The following SEC61G variants were observed in gnomAD, a reference collection of about 807,000 sequenced individuals.
SEC61G encodes SEC61 translocon subunit gamma.
SEC61G carries 4 observed loss-of-function variants against 7.5 expected under a neutral mutation model. The ratio of observed to expected loss-of-function variants is 0.54; its 90% confidence interval spans 0.26 to 1.22. The LOEUF (loss-of-function observed/expected upper bound fraction) is 1.22. Ranked by LOEUF, SEC61G falls within the 50% of genes most tolerant of loss-of-function variation. The probability of loss-of-function intolerance (pLI) is 0.12; values close to 1 mark genes in which losing one functional copy is unlikely to be tolerated. For missense variants in SEC61G, 53 were observed against 84.6 expected, an observed-to-expected ratio of 0.63 and a Z score of 1.46; for synonymous variants, 24 against 24.4, an observed-to-expected ratio of 0.98 and a Z score of 0.05.
At position 54,757,927 on chromosome 7, in the gene SEC61G, A is replaced by C. The variant is rs75500333; in HGVS notation, c.-6-333T>G. ...TGGTAACACATCCATTCCTTTTCTC[A>C]CTCTGCAGTCCCATCCATTTCTCAT... On this transcript the variant is annotated intron_variant, in intron 1 of 3. Coordinates refer to ENST00000352861, the MANE Select transcript of SEC61G (RefSeq NM_014302.4). Among the ~76,000 whole-genome samples, 566 of 152,266 alleles carry C rather than the reference A, an allele frequency of 3.7e-3. 3 individuals carry two copies. Among genetic ancestry groups the C allele is most frequent in the African/African-American group, 0.012 (516 of 41,546 alleles).
rs1232518845 is a variant in SEC61G at position 54,757,595 on chromosome 7, C to T, written c.-6-1G>A. 4 of 1,612,706 alleles carry T rather than the reference C, an allele frequency of 2.5e-6. No homozygotes were observed. The highest frequency in any genetic ancestry group is 1.7e-5 in the Admixed American group (1 of 59,998). ...ACTGCATTACCTGATCCATGACTGC[C>T]TGTTTAAAACAAAAAAGATACTCAC... On this transcript the variant is annotated splice_acceptor_variant, in intron 1 of 3. Coordinates refer to ENST00000352861, the MANE Select transcript of SEC61G (RefSeq NM_014302.4). LOFTEE classifies it low-confidence loss of function (5UTR_SPLICE).
rs1791461686 is a variant in SEC61G, at chr7:54,754,035, A to G, written c.198-1615T>C. Among the ~76,000 whole-genome samples the G allele has an allele frequency of 5.9e-5, 9 of 152,332 alleles. No homozygotes were observed. In the South Asian group the frequency reaches 1.7e-3, roughly 28 times the overall value. ...ACCAGACTCTATAGGAGAGACATACAATATAAATAACAAGGCAGGCCTGCC... is the reference window on the plus strand; with the variant it reads ...ACCAGACTCTATAGGAGAGACATACGATATAAATAACAAGGCAGGCCTGCC... On this transcript the variant is annotated intron_variant, in intron 3 of 3. Transcript: ENST00000352861.
At chr7:54,753,991 G>A (rs946081396) in intron 3 of SEC61G, among the ~76,000 whole-genome samples, 2 of 152,134 alleles carry the variant, frequency 1.3e-5, no homozygotes, top group Non-Finnish European at 2.9e-5. Flanking sequence ...TGCTTTTAAC[G>A]GATACAAGGG....
At chr7:54,758,705 C>A (rs1433569845) in intron 1 of SEC61G, among the ~76,000 whole-genome samples, 1 of 152,162 alleles carries the variant, frequency 6.6e-6, no homozygotes, top group Non-Finnish European at 1.5e-5. Flanking sequence ...GGGTAGAGAT[C>A]CAAAAACCAA....
chr7:54,755,139 G>A (rs1389580970), intron 3 of SEC61G: 6 of 152,170 alleles, frequency 3.9e-5, no homozygotes, highest in African/African-American at 1.2e-4. Context: ...AGTGATCCCA[G>A]TGTTTCTCAG....
chr7:54,757,401 A>C, intron 2 of SEC61G, 94 bp downstream of exon 2: 3 of 974,470 alleles, frequency 3.1e-6, no homozygotes, highest in Non-Finnish European at 4.8e-6. Context: ...ATGTTGATCA[A>C]AGTAATGCAA....
intron 1 of SEC61G, among the ~76,000 whole-genome samples, chr7:54,758,202 G>A (rs1043186723): frequency 3.3e-5 from 5 of 152,174 alleles, no homozygotes; most frequent in African/African-American, 9.7e-5. Flanking sequence ...GAAGCTACTA[G>A]CTAAATTTCA....
At chr7:54,757,635 A>G in intron 1 of SEC61G, 41 bp from the exon 2 acceptor site, 2 of 1,509,424 alleles carry the variant, frequency 1.3e-6, no homozygotes. Flanking sequence ...ATTGGTTCTC[A>G]TACAATAAGC....
intron 2 of SEC61G, among the ~76,000 whole-genome samples, chr7:54,756,942 C>A (rs1430230571): frequency 6.8e-6 from 1 of 147,368 alleles, no homozygotes; most frequent in Non-Finnish European, 1.5e-5. Flanking sequence ...ATACTATATA[C>A]TATACTATAT....
chr7:54,756,303 A>T (rs1430835082), intron 2 of SEC61G, among the ~76,000 whole-genome samples: 1 of 152,214 alleles, frequency 6.6e-6, no homozygotes, highest in Non-Finnish European at 1.5e-5. Context: ...TTTTGGGTAC[A>T]TTATAAACGA....
At chr7:54,754,134 G>A (rs1030031475) in intron 3 of SEC61G, among the ~76,000 whole-genome samples, 49 of 152,098 alleles carry the variant, frequency 3.2e-4, no homozygotes, top group African/African-American at 1.1e-3. Flanking sequence ...CTGGCAAAAG[G>A]GACAAAAATA....
chr7:54,759,179 T>C lies in SEC61G; in HGVS notation c.-28A>G, dbSNP rs771654300. The C allele has an allele frequency of 5.8e-6, 3 of 518,870 alleles. No homozygotes were observed. The highest frequency in any genetic ancestry group is 2.8e-5 in the South Asian group (2 of 71,590). 32.1% of individuals were successfully genotyped at this position (518,870 alleles called of 1,614,324 possible). On this transcript the variant is annotated 5_prime_UTR_variant, in exon 1 of 4. Coordinates refer to ENST00000352861, the MANE Select transcript of SEC61G (RefSeq NM_014302.4). ...TCACCTACCCAACCGACACCTAAAA[T>C]GCCAGGGACACGTAGCACTGGAGCT... is the stretch of plus-strand genomic sequence containing the variant.
At chr7:54,755,617 G>A (rs747261905) in intron 3 of SEC61G, 162 bp downstream of exon 3, 11 of 426,720 alleles carry the variant, frequency 2.6e-5, no homozygotes, top group African/African-American at 4.1e-5. Flanking sequence ...GATCATGTAA[G>A]ATCTAAAAGC....
intron 3 of SEC61G, 53 bp from the exon 4 acceptor site, chr7:54,752,473 T>C: frequency 8.4e-6 from 10 of 1,192,438 alleles, no homozygotes. Flanking sequence ...ATTTTAATAA[T>C]TATTATTATT....
At chr7:54,753,851 G>A (rs1791458397) in intron 3 of SEC61G, among the ~76,000 whole-genome samples, 1 of 152,124 alleles carries the variant, frequency 6.6e-6, no homozygotes, top group Non-Finnish European at 1.5e-5. Context: ...GTTTCCTCAT[G>A]AAGATTAAAT....
intron 1 of SEC61G, 95 bp downstream of exon 1, chr7:54,759,063 G>A (rs1791581873): frequency 2.4e-5 from 10 of 425,002 alleles, no homozygotes; most frequent in South Asian, 1.5e-4. Context: ...GGCCGCCCGG[G>A]GAGACACGCC....
intron 2 of SEC61G, 118 bp from the exon 3 acceptor site, chr7:54,755,999 T>A: frequency 4.2e-6 from 2 of 477,668 alleles, no homozygotes; most frequent in Non-Finnish European, 7.4e-6. Context: ...TTAATAGATA[T>A]ATAATTTAAA....
chr7:54,756,312 G>A lies in SEC61G; in HGVS notation c.95-431C>T, dbSNP rs140054915. Among the ~76,000 whole-genome samples, 362 of 152,188 alleles carry A rather than the reference G, an allele frequency of 2.4e-3. 2 individuals are homozygous for A. Among genetic ancestry groups the A allele is most frequent in the African/African-American group, 8.3e-3 (346 of 41,514 alleles). On this transcript the variant is annotated intron_variant, in intron 2 of 3. Coordinates refer to ENST00000352861, the MANE Select transcript of SEC61G (RefSeq NM_014302.4). ...TACCTTTTTTGGGTACATTATAAAC[G>A]ATGGGTCCGGTGCCTTTGCTATTAT...
chr7:54,756,422 G>A lies in SEC61G; in HGVS notation c.95-541C>T, dbSNP rs184478218. Among the ~76,000 whole-genome samples the A allele has an allele frequency of 8.1e-3, 1,237 of 152,240 alleles. 25 individuals carry two copies. Among genetic ancestry groups the A allele is most frequent in the African/African-American group, 0.028 (1,145 of 41,554 alleles). ...TGTAATCTCAGCACTTTGGGAGGCC[G>A]AAGTGGGCAGATCACCCGAGGTCAG... On this transcript the variant is annotated intron_variant, in intron 2 of 3. Transcript: ENST00000352861.
Sources: gnomAD v4.1 joint callset for allele counts (sites outside exome capture counted in the v4.1 genomes callset) on GRCh38, gnomAD v4.1.1 for gene constraint, MANE v1.5 for transcripts, NCBI Gene and HGNC (gene_info 2026-07-23, HGNC 2026-07-21) for gene names.